The following YEATS2 variants were observed in gnomAD, a reference collection of about 807,000 sequenced individuals.
The protein encoded by YEATS2 is YEATS domain-containing protein 2.
YEATS2 carries 77 observed loss-of-function variants against 163.2 expected under a neutral mutation model. The ratio of observed to expected loss-of-function variants is 0.47; its 90% CI spans 0.39 to 0.57. The LOEUF is 0.57. Ranked by LOEUF, YEATS2 falls within the 20% of genes least tolerant of loss-of-function variation. YEATS2 has a pLI of 0.00. For missense variants in YEATS2, 1,549 were observed against 1,729.8 expected, an observed-to-expected ratio of 0.90 and a Z score of 1.85; for synonymous variants, 631 against 645.1, an observed-to-expected ratio of 0.98 and a Z score of 0.33.
chr3:183,744,392 C>T (rs1298269966), intron 8 of YEATS2, among the ~76,000 whole-genome samples: 2 of 151,946 alleles, frequency 1.3e-5, no homozygotes, highest in East Asian at 1.9e-4. Flanking sequence ...GCTGGGATTA[C>T]AGGCGTGAGC....
At chr3:183,762,363 G>A (rs1044211813) in intron 15 of YEATS2, 84 bp downstream of exon 15, 52 of 1,463,422 alleles carry the variant, frequency 3.6e-5, no homozygotes, top group Non-Finnish European at 4.5e-5. Context: ...AAAGATTCAC[G>A]GTGACAGGGT....
chr3:183,809,952 G>C (rs990187785), intron 30 of YEATS2: 1 of 153,414 alleles, frequency 6.5e-6, no homozygotes, highest in African/African-American at 2.4e-5. Flanking sequence ...CAAGAGTTCC[G>C]GTCCTGCTGC....
intron 19 of YEATS2, among the ~76,000 whole-genome samples, chr3:183,781,380 G>C (rs1285966167): frequency 6.6e-6 from 1 of 152,170 alleles, no homozygotes; most frequent in Admixed American, 6.5e-5. Flanking sequence ...AAGAGAGAGA[G>C]AATTCGCCCA....
chr3:183,726,881 A>G (rs1475635255), intron 6 of YEATS2, among the ~76,000 whole-genome samples: 3 of 151,974 alleles, frequency 2.0e-5, no homozygotes, highest in East Asian at 3.9e-4. Flanking sequence ...AGCTCACTGT[A>G]CCCTCCACCT....
At chr3:183,775,875 A>T in intron 17 of YEATS2, 40 bp from the exon 18 acceptor site, 13 of 1,610,222 alleles carry the variant, frequency 8.1e-6, no homozygotes, top group Non-Finnish European at 1.1e-5. Context: ...GCTTTGCTTG[A>T]TACTTTTTAT....
intron 15 of YEATS2, among the ~76,000 whole-genome samples, chr3:183,764,881 A>G (rs1342487897): frequency 6.6e-6 from 1 of 152,182 alleles, no homozygotes; most frequent in African/African-American, 2.4e-5. Flanking sequence ...ACTTTCTCAG[A>G]CTTACCTGGT....
At chr3:183,720,262 T>C (rs1223387600) in intron 4 of YEATS2, among the ~76,000 whole-genome samples, 1 of 152,228 alleles carries the variant, frequency 6.6e-6, no homozygotes, top group African/African-American at 2.4e-5. Context: ...ATGAAAAATA[T>C]CTGCTCTTTT....
At chr3:183,792,150 T>C (rs1006639875) in intron 21 of YEATS2, among the ~76,000 whole-genome samples, 2 of 152,214 alleles carry the variant, frequency 1.3e-5, no homozygotes, top group African/African-American at 4.8e-5. Context: ...AATTTTACTT[T>C]AAGTTCTAGG....
intron 3 of YEATS2, 79 bp downstream of exon 3, chr3:183,717,827 A>C: frequency 2.9e-6 from 2 of 700,806 alleles, no homozygotes; most frequent in Non-Finnish European, 4.1e-6. Flanking sequence ...ATCTATTGAG[A>C]TGGAGTCACA....
At position 183,790,862 on chromosome 3, in the gene YEATS2, G is replaced by GC; in HGVS notation, c.2980dup (p.Gln994ProfsTer82). ...CTGTAACGAAAACTTCTGGGCAGCAGCAAGTGTGTGTGAGCCAGGCCACCG... is the reference window on the plus strand; with the variant it reads ...CTGTAACGAAAACTTCTGGGCAGCAGCCAAGTGTGTGTGAGCCAGGCCACCG... On this transcript the variant is annotated frameshift_variant, in exon 21 of 31. Coordinates refer to ENST00000305135, the MANE Select transcript of YEATS2 (RefSeq NM_018023.5). LOFTEE classifies it high-confidence loss of function. 6.2e-7 allele frequency: 1 copy of GC among 1,614,174 alleles called. No individual in the cohort carries two copies. The highest frequency in any genetic ancestry group is 8.5e-7 in the Non-Finnish European group (1 of 1,180,040).
intron 13 of YEATS2, 98 bp downstream of exon 13, chr3:183,759,063 A>G: frequency 1.2e-6 from 1 of 809,652 alleles, no homozygotes; most frequent in South Asian, 2.1e-5. Context: ...CCCCGTATTA[A>G]CCAGGCTGTA....
intron 6 of YEATS2, among the ~76,000 whole-genome samples, chr3:183,726,795 GGTTTT>G (rs1056647437): frequency 1.3e-5 from 2 of 152,156 alleles, no homozygotes. Flanking sequence ...TGTCTTGTCT[GGTTTT>G]GTTTTGTTTT....
chr3:183,713,097 C>A (rs1346559199), intron 1 of YEATS2, among the ~76,000 whole-genome samples: 1 of 151,844 alleles, frequency 6.6e-6, no homozygotes, highest in African/African-American at 2.4e-5. Flanking sequence ...ATTAAGATGT[C>A]CTGTAAGTGT....
At chr3:183,791,312 G>A (rs995857845) in intron 21 of YEATS2, among the ~76,000 whole-genome samples, 1 of 152,220 alleles carries the variant, frequency 6.6e-6, no homozygotes, top group African/African-American at 2.4e-5. Flanking sequence ...TGGGATTACA[G>A]GCGTGAGCCA....
At chr3:183,698,264 C>T (rs1429621703) in intron 1 of YEATS2, among the ~76,000 whole-genome samples, 1 of 152,148 alleles carries the variant, frequency 6.6e-6, no homozygotes, top group Non-Finnish European at 1.5e-5. Flanking sequence ...GATACGGGAC[C>T]CCGAGCCACA....
rs986181240 is a variant in YEATS2 at position 183,801,656 on chromosome 3, T to C, written c.3502+128T>C. The C allele has an allele frequency of 6.1e-6, 4 of 660,360 alleles. No homozygotes were observed. In the African/African-American group the frequency reaches 7.5e-5, roughly 12 times the overall value. The allele number at this position is 660,360 out of a possible 1,614,324, so 40.9% of individuals were successfully genotyped here. A position where few individuals can be genotyped will look rare whatever the true frequency, so the allele number is the denominator to read the frequency against. ...GGCGGTTACCTTATAAGGTTTCAGC[T>C]AGAGATACAGCCCATTTGCAAGGGT... On this transcript the variant is annotated intron_variant, in intron 25 of 30. Coordinates refer to ENST00000305135, the MANE Select transcript of YEATS2 (RefSeq NM_018023.5).
chr3:183,699,945 A>G (rs572300825), intron 1 of YEATS2, among the ~76,000 whole-genome samples: 2 of 152,306 alleles, frequency 1.3e-5, no homozygotes, highest in South Asian at 4.1e-4. Context: ...AATGAAACTA[A>G]TGAGTGCAAA....
intron 7 of YEATS2, among the ~76,000 whole-genome samples, chr3:183,730,203 T>C (rs1295062231): frequency 6.6e-6 from 1 of 150,796 alleles, no homozygotes; most frequent in Non-Finnish European, 1.5e-5. Flanking sequence ...CAGCTGTGAT[T>C]ACAGGTGCAC....
intron 21 of YEATS2, among the ~76,000 whole-genome samples, 165 bp downstream of exon 21, chr3:183,791,145 C>T (rs1279710235): frequency 2.0e-5 from 3 of 152,202 alleles, no homozygotes; most frequent in Non-Finnish European, 4.4e-5. Context: ...GCCATCCTCC[C>T]ACCTCAGCCT....
Sources: allele counts gnomAD v4.1 joint callset (sites outside exome capture counted in the v4.1 genomes callset), GRCh38; gene constraint gnomAD v4.1.1; transcripts MANE v1.5; gene names NCBI Gene and HGNC (gene_info 2026-07-23, HGNC 2026-07-21).